The following TNFSF4 variants were observed in gnomAD, a reference collection of about 807,000 sequenced individuals.
The protein encoded by TNFSF4 is TNF superfamily member 4.
Under a neutral mutation model 7.3 loss-of-function variants are expected in TNFSF4, and 4 were observed. The ratio of observed to expected loss-of-function variants is 0.55; its 90% CI spans 0.27 to 1.25. TNFSF4 has a LOEUF of 1.25. TNFSF4 is among the 50% of genes most tolerant of loss of function. The probability of loss-of-function intolerance (pLI) is 0.12; values close to 1 mark genes in which losing one functional copy is unlikely to be tolerated. For synonymous variants in TNFSF4, 76 were observed against 83.7 expected, an observed-to-expected ratio of 0.91 and a Z score of 0.50; for missense variants, 181 against 208.8, an observed-to-expected ratio of 0.87 and a Z score of 0.82.
chr1:173,339,036 A>G, the TNFSF4 span, among the ~76,000 whole-genome samples: 148,223 of 152,180 alleles, frequency 0.97, 72,321 homozygotes, highest in East Asian at 1. Context: ...CATAATCCAC[A>G]CGGGACTACT....
At chr1:173,353,373 T>C in the TNFSF4 span, among the ~76,000 whole-genome samples, 1 of 152,216 alleles carries the variant, frequency 6.6e-6, no homozygotes, top group Non-Finnish European at 1.5e-5. Context: ...CACAATTTAT[T>C]TTCTTCTGTC....
chr1:173,392,861 T>A, the TNFSF4 span, among the ~76,000 whole-genome samples: 1,874 of 152,260 alleles, frequency 0.012, 36 homozygotes, highest in African/African-American at 0.043. Context: ...CACTGATGAA[T>A]TGCCATTACA....
chr1:173,285,933 A>C, the TNFSF4 span, among the ~76,000 whole-genome samples: 7 of 152,172 alleles, frequency 4.6e-5, no homozygotes, highest in African/African-American at 1.4e-4. Flanking sequence ...ATGACCTGCA[A>C]ACTTGACAAT....
chr1:173,411,400 T>C, the TNFSF4 span, among the ~76,000 whole-genome samples: 4 of 152,348 alleles, frequency 2.6e-5, no homozygotes, highest in East Asian at 7.7e-4. Context: ...GGCTTCCTAA[T>C]CTGGACTATA....
chr1:173,196,557 C>T lies in TNFSF4; in HGVS notation c.154-7988G>A, dbSNP rs1384367312. On this transcript the variant is annotated intron_variant, in intron 1 of 2. Coordinates refer to ENST00000281834, the MANE Select transcript of TNFSF4 (RefSeq NM_003326.5). ...CTACTAAGTAACGGCTATGAGTTTT[C>T]CCGCAGAGAAGCCTCTCTCCTCTCT... 9.2e-5 allele frequency among the ~76,000 whole-genome samples: 14 copies of T among 152,130 alleles called. No homozygotes were observed. The East Asian group carries it at 2.7e-3, about 29-fold the overall frequency.
At chr1:173,205,431 A>T (rs919280165) in intron 1 of TNFSF4, 2 of 1,590,002 alleles carry the variant, frequency 1.3e-6, no homozygotes, top group Non-Finnish European at 1.7e-6. Context: ...CATCTCCTGG[A>T]TATTGATAGT....
chr1:173,252,379 T>C, the TNFSF4 span, among the ~76,000 whole-genome samples: 2 of 152,194 alleles, frequency 1.3e-5, no homozygotes, highest in African/African-American at 4.8e-5. Flanking sequence ...ACAAATCTAA[T>C]CAGAGATGTG....
the TNFSF4 span, among the ~76,000 whole-genome samples, chr1:173,278,052 A>C: frequency 6.6e-6 from 1 of 152,136 alleles, no homozygotes; most frequent in Non-Finnish European, 1.5e-5. Flanking sequence ...AGATTTGCTC[A>C]TCTAAGAAGA....
the TNFSF4 span, among the ~76,000 whole-genome samples, chr1:173,234,383 A>G: frequency 6.6e-6 from 1 of 152,110 alleles, no homozygotes; most frequent in Non-Finnish European, 1.5e-5. Context: ...TGTGGAAGAC[A>G]TTGTGATTCC....
At chr1:173,305,073 C>T in the TNFSF4 span, among the ~76,000 whole-genome samples, 1 of 151,892 alleles carries the variant, frequency 6.6e-6, no homozygotes, top group African/African-American at 2.4e-5. Context: ...ATTTTTCAGA[C>T]TTCCATAGGC....
chr1:173,189,850 T>C (rs1443527450), intron 1 of TNFSF4, among the ~76,000 whole-genome samples: 1 of 152,036 alleles, frequency 6.6e-6, no homozygotes, highest in Non-Finnish European at 1.5e-5. Context: ...ACCTCTACTT[T>C]TCATGGTCTA....
chr1:173,173,289 A>G, the TNFSF4 span, among the ~76,000 whole-genome samples: 1 of 152,216 alleles, frequency 6.6e-6, no homozygotes, highest in African/African-American at 2.4e-5. Flanking sequence ...AACTCATTTC[A>G]GCATTCATCC....
the TNFSF4 span, among the ~76,000 whole-genome samples, chr1:173,231,487 T>C: frequency 6.6e-6 from 1 of 152,190 alleles, no homozygotes; most frequent in African/African-American, 2.4e-5. Context: ...ACAGTCAATA[T>C]CATACTGAAT....
the TNFSF4 span, among the ~76,000 whole-genome samples, chr1:173,439,039 C>T: frequency 1.3e-5 from 2 of 152,194 alleles, no homozygotes; most frequent in Admixed American, 1.3e-4. Context: ...TGACAAGCTA[C>T]GTGCAGAGAG....
At chr1:173,234,781 C>CCA in the TNFSF4 span, among the ~76,000 whole-genome samples, 1 of 152,166 alleles carries the variant, frequency 6.6e-6, no homozygotes, top group South Asian at 2.1e-4. Flanking sequence ...ACATCACACA[C>CCA]CGGGGCCTGT....
the TNFSF4 span, among the ~76,000 whole-genome samples, chr1:173,214,540 G>C: frequency 1.3e-5 from 2 of 152,060 alleles, no homozygotes; most frequent in Non-Finnish European, 2.9e-5. Context: ...GAATTATCTT[G>C]GGCTACCATA....
the TNFSF4 span, among the ~76,000 whole-genome samples, chr1:173,308,267 T>TCTCTCTC: frequency 7.5e-4 from 100 of 132,936 alleles, no homozygotes; most frequent in Middle Eastern, 3.6e-3. Context: ...CTCTCTCTCT[T>TCTCTCTC]TCTCTCTCTC....
the TNFSF4 span, among the ~76,000 whole-genome samples, chr1:173,309,184 T>A: frequency 6.6e-6 from 1 of 152,112 alleles, no homozygotes; most frequent in Non-Finnish European, 1.5e-5. Context: ...CCATTTATTT[T>A]CTCTTTTTAA....
chr1:173,227,669 G>C, the TNFSF4 span, among the ~76,000 whole-genome samples: 1 of 152,222 alleles, frequency 6.6e-6, no homozygotes, highest in Non-Finnish European at 1.5e-5. Flanking sequence ...CAAGGGGTCA[G>C]GGAATTTCCT....
Sources: gnomAD v4.1 joint callset for allele counts (sites outside exome capture counted in the v4.1 genomes callset) on GRCh38, gnomAD v4.1.1 for gene constraint, MANE v1.5 for transcripts, NCBI Gene and HGNC (gene_info 2026-07-23, HGNC 2026-07-21) for gene names.